TPCN1: variants seen among roughly 807,000 people sequenced by gnomAD.
TPCN1 encodes two pore segment channel 1, also known as two pore channel protein 1.
TPCN1 carries 52 observed loss-of-function variants against 108.8 expected under a neutral mutation model. That is an observed-to-expected ratio of 0.48 (90% CI 0.38 to 0.60). TPCN1 has a LOEUF of 0.60. Ranked by LOEUF, TPCN1 falls within the 20% of genes least tolerant of loss-of-function variation. The probability of loss-of-function intolerance (pLI) is 0.00; values close to 1 mark genes in which losing one functional copy is unlikely to be tolerated. For missense variants in TPCN1, 806 were observed against 1,072.8 expected (o/e 0.75, Z 3.47); for synonymous variants, 446 against 433.7 (o/e 1.03, Z -0.35).
Position 113,257,034 on chromosome 12 carries a change from CAATTT to C in TPCN1, c.113-3330_113-3326del, listed in dbSNP as rs144927741. ...TATCCAGAGTGTATAAAAGAGCTCT[CAATTT>C]AATAATAAAAAAAAAGAAAAAGGTG... On this transcript the variant is annotated intron_variant, in intron 2 of 27. Coordinates refer to ENST00000335509, the MANE Select transcript of TPCN1 (RefSeq NM_017901.6). 8.5e-3 allele frequency among the ~76,000 whole-genome samples: 1,287 copies of C among 151,662 alleles called. 26 individuals carry two copies. The highest frequency in any genetic ancestry group is 0.056 in the East Asian group (290 of 5,166).
rs570459278 is a variant in TPCN1, at chr12:113,250,488, A to G, written c.113-9880A>G. 2.6e-5 allele frequency among the ~76,000 whole-genome samples: 4 copies of G among 152,268 alleles called. No individual in the cohort carries two copies. In the East Asian group the frequency reaches 7.7e-4, roughly 29 times the overall value. On this transcript the variant is annotated intron_variant, in intron 2 of 27. Coordinates refer to ENST00000335509, the MANE Select transcript of TPCN1 (RefSeq NM_017901.6). ...GAGGCCACGTGGTGATGGGGTACTC[A>G]CTGCCTCTGTGGACAGGTGCCCCTG...
At chr12:113,235,970 T>A (rs1251128398) in intron 2 of TPCN1, among the ~76,000 whole-genome samples, 1 of 152,152 alleles carries the variant, frequency 6.6e-6, no homozygotes, top group African/African-American at 2.4e-5. Flanking sequence ...GGGTGGCATC[T>A]GAGTCAGAGG....
intron 2 of TPCN1, among the ~76,000 whole-genome samples, chr12:113,243,666 A>G (rs1241700897): frequency 6.6e-6 from 1 of 152,148 alleles, no homozygotes; most frequent in Non-Finnish European, 1.5e-5. Flanking sequence ...AGGCAGGAGA[A>G]TCACTTGAAC....
intron 23 of TPCN1, 131 bp from the exon 24 acceptor site, chr12:113,291,477 TC>T (rs1248876231): frequency 1.3e-6 from 1 of 758,498 alleles, no homozygotes; most frequent in Non-Finnish European, 2.2e-6. Flanking sequence ...AAGCTTCCTC[TC>T]CTCCATCTCT....
intron 2 of TPCN1, 80 bp from the exon 3 acceptor site, chr12:113,260,288 C>T (rs989285688): frequency 4.2e-6 from 6 of 1,424,452 alleles, no homozygotes; most frequent in Non-Finnish European, 4.6e-6. Context: ...AAGGGACTGC[C>T]AGGCTTTTCT....
chr12:113,242,621 C>T lies in TPCN1; in HGVS notation c.112+15657C>T, dbSNP rs367860980. ...TCGTGGCTGTTACCTTTGCCCACTGCGTCATCCTGGTCACTGGTCTCTGGC... is the reference window on the plus strand; with the variant it reads ...TCGTGGCTGTTACCTTTGCCCACTGTGTCATCCTGGTCACTGGTCTCTGGC... On this transcript the variant is annotated intron_variant, in intron 2 of 27. Coordinates refer to ENST00000335509, the MANE Select transcript of TPCN1 (RefSeq NM_017901.6). 3.0e-4 allele frequency among the ~76,000 whole-genome samples: 45 copies of T among 152,362 alleles called. No homozygotes were observed. The East Asian group carries it at 8.1e-3, about 27-fold the overall frequency.
intron 27 of TPCN1, 93 bp downstream of exon 27, chr12:113,293,442 G>A: frequency 1.7e-6 from 2 of 1,209,892 alleles, no homozygotes; most frequent in Non-Finnish European, 2.4e-6. Context: ...AGTAGAGGGA[G>A]AAGGCTGGTA....
At position 113,272,575 on chromosome 12, in the gene TPCN1, A is replaced by G. The variant is rs1341283961; in HGVS notation, c.749-83A>G. 3.2e-6 allele frequency: 4 copies of G among 1,259,822 alleles called. No individual in the cohort carries two copies. Among genetic ancestry groups the G allele is most frequent in the East Asian group, 4.6e-5 (2 of 43,232 alleles). The allele number at this position is 1,259,822 out of a possible 1,614,324, so 78.0% of individuals were successfully genotyped here. A position where few individuals can be genotyped will look rare whatever the true frequency, so the allele number is the denominator to read the frequency against. Reference sequence around the variant, plus strand: ...TTCCTGACCTGCTGCGTTCATTTGCATGTATTTGTCCAGTCCTTTTGACAC... The same window carrying G: ...TTCCTGACCTGCTGCGTTCATTTGCGTGTATTTGTCCAGTCCTTTTGACAC... On this transcript the variant is annotated intron_variant, in intron 7 of 27. Coordinates refer to ENST00000335509, the MANE Select transcript of TPCN1 (RefSeq NM_017901.6). This position sits in a 1 kb window ranked among gnomAD's most constrained non-coding sequence, Gnocchi z 4.1.
At chr12:113,276,685 A>G (rs763542528) in intron 10 of TPCN1, among the ~76,000 whole-genome samples, 44 of 152,162 alleles carry the variant, frequency 2.9e-4, no homozygotes, top group Non-Finnish European at 5.7e-4. Flanking sequence ...TGGAGTAACA[A>G]TGCCTTCATG....
chr12:113,242,691 G>A (rs1954195311), intron 2 of TPCN1, among the ~76,000 whole-genome samples: 1 of 151,640 alleles, frequency 6.6e-6, no homozygotes, highest in Non-Finnish European at 1.5e-5. Context: ...TTTCTCAGAC[G>A]TGCCCTGCTG....
At chr12:113,270,896 A>G (rs1955472175) in intron 7 of TPCN1, among the ~76,000 whole-genome samples, 1 of 152,116 alleles carries the variant, frequency 6.6e-6, no homozygotes, top group African/African-American at 2.4e-5. Context: ...TAGGATTTCA[A>G]CATAGGGATT....
rs1210005986 is a variant in TPCN1, at chr12:113,268,073, G to A, written c.528+117G>A. The A allele has an allele frequency of 9.0e-6, 7 of 775,248 alleles. No individual in the cohort carries two copies. The highest frequency in any genetic ancestry group is 8.3e-5 in the Admixed American group (4 of 48,466). 48.0% of individuals were successfully genotyped at this position (775,248 alleles called of 1,614,324 possible). ...ATGGGCCCAGTCCATGCTCAGAGGTGTAACCCTAGGGTCCCTGTCCTGACC... is the reference window on the plus strand; with the variant it reads ...ATGGGCCCAGTCCATGCTCAGAGGTATAACCCTAGGGTCCCTGTCCTGACC... On this transcript the variant is annotated intron_variant, in intron 5 of 27. Coordinates refer to ENST00000335509, the MANE Select transcript of TPCN1 (RefSeq NM_017901.6). This position sits in a 1 kb window ranked among gnomAD's most constrained non-coding sequence, Gnocchi z 7.3.
At chr12:113,240,255 T>A (rs1299941527) in intron 2 of TPCN1, among the ~76,000 whole-genome samples, 1 of 151,990 alleles carries the variant, frequency 6.6e-6, no homozygotes, top group Non-Finnish European at 1.5e-5. Context: ...CCGTCCAGAG[T>A]GTATGGGGAC....
At position 113,295,992 on chromosome 12, in the gene TPCN1, G is replaced by A. The variant is rs1264594383; in HGVS notation, c.2367G>A (p.Glu789=). Residue 789 remains glutamate (E), a synonymous_variant, in exon 28 of 28, where the codon GAG becomes GAA. Transcript: ENST00000335509. ...ATGAGGAGCATGCCAGGGAGCAAGA[G>A]CAGCAGCGACAACTCAGCAGCAGTG... The part of the protein sequence containing the change: ...EWYEEHAREQ[E]QQRQLSSSAA... 2 of 1,611,846 alleles carry A rather than the reference G, an allele frequency of 1.2e-6. No individual in the cohort carries two copies.
rs548283864 is a variant in TPCN1 at position 113,273,816 on chromosome 12, G to A, written c.942+148G>A. ...AAGTCCCAGATTCATAGTCAGGTGC[G>A]GTGTTGCAGGGAATGCCCTGTCGGG... On this transcript the variant is annotated intron_variant, in intron 10 of 27. Transcript: ENST00000335509. This position sits in a 1 kb window ranked among gnomAD's most constrained non-coding sequence, Gnocchi z 4.0. 434 of 746,744 alleles carry A rather than the reference G, an allele frequency of 5.8e-4. 4 individuals carry two copies. The highest frequency in any genetic ancestry group is 1.0e-3 in the South Asian group (67 of 65,794). The allele number at this position is 746,744 out of a possible 1,614,324, so 46.3% of individuals were successfully genotyped here.
chr12:113,276,788 A>T, intron 10 of TPCN1, 131 bp from the exon 11 acceptor site: 1 of 682,262 alleles, frequency 1.5e-6, no homozygotes, highest in Non-Finnish European at 2.6e-6. Flanking sequence ...TGCAGGCGAG[A>T]GGGTCTCCCC....
chr12:113,229,992 G>A (rs1190026640), intron 2 of TPCN1, among the ~76,000 whole-genome samples: 1 of 152,140 alleles, frequency 6.6e-6, no homozygotes, highest in Non-Finnish European at 1.5e-5. Context: ...ATTTAGTTCG[G>A]TGAATCCCCT....
rs780463901 is a variant in TPCN1, at chr12:113,280,192, A to G, written c.1339A>G (p.Met447Val). ...LVKSKAFQYF[M>V]YLVVAVNGVW... The stretch of plus-strand genomic sequence containing the variant: ...GAAGTCCAAGGCCTTCCAGTATTTC[A>G]TGTGTAAGTGTGAAATATCTCCACT... Residue 447 changes from methionine (M) to valine (V), a missense_variant, in exon 15 of 28, where the codon ATG (methionine) becomes GTG (valine). Transcript: ENST00000335509. 6.2e-7 allele frequency: 1 copy of G among 1,608,598 alleles called. No individual in the cohort carries two copies. The highest frequency in any genetic ancestry group is 8.5e-7 in the Non-Finnish European group (1 of 1,175,492).
rs2136753908 is a variant in TPCN1, at chr12:113,289,506, T to G, written c.1797-622T>G. Among the ~76,000 whole-genome samples, 1 of 152,290 alleles carries G rather than the reference T, an allele frequency of 6.6e-6. No homozygotes were observed. The highest frequency in any genetic ancestry group is 1.9e-4 in the East Asian group (1 of 5,176). ...GTGGGTCCCAGACTTTAGAGCCCAT[T>G]GCAGTCACCAGGGAGCTTAGTGCAA... On this transcript the variant is annotated intron_variant, in intron 21 of 27. Transcript: ENST00000335509. This position sits in a 1 kb window ranked among gnomAD's most constrained non-coding sequence, Gnocchi z 4.1.
Sources: allele counts gnomAD v4.1 joint callset (sites outside exome capture counted in the v4.1 genomes callset), GRCh38; gene constraint gnomAD v4.1.1; non-coding constraint Gnocchi (gnomAD v3.1); transcripts MANE v1.5; gene names NCBI Gene and HGNC (gene_info 2026-07-23, HGNC 2026-07-21).